The following ZNF516 variants were observed in gnomAD, a reference collection of about 807,000 sequenced individuals.
ZNF516 encodes zinc finger protein 516.
In ZNF516, 19 loss-of-function variants were observed where a neutral mutation model predicts 79.7. The ratio of observed to expected loss-of-function variants is 0.24; its 90% confidence interval spans 0.17 to 0.35. The LOEUF (loss-of-function observed/expected upper bound fraction) is 0.35. Among genes scored for constraint, ZNF516 ranks in the 10% least tolerant of loss-of-function variants. The pLI is 1.00. For missense variants in ZNF516, 1,678 were observed against 1,679.5 expected, an observed-to-expected ratio of 1.00 and a Z score of 0.02; for synonymous variants, 877 against 739.5, an observed-to-expected ratio of 1.19 and a Z score of -3.02.
rs897132490 is a variant in ZNF516 at position 76,362,221 on chromosome 18, T to C, written c.*277A>G. ...TACTACTGTTTATTATAAGAAAATA[T>C]GGGACTATGGACGATGAGCACGTAA... On this transcript the variant is annotated 3_prime_UTR_variant, in exon 7 of 7. Coordinates refer to ENST00000443185, the MANE Select transcript of ZNF516 (RefSeq NM_014643.4). 2.7e-6 allele frequency: 1 copy of C among 371,568 alleles called. No individual in the cohort carries two copies. Among genetic ancestry groups the C allele is most frequent in the Non-Finnish European group, 4.9e-6 (1 of 202,690 alleles). The allele number at this position is 371,568 out of a possible 1,614,324, so 23.0% of individuals were successfully genotyped here. A position where few individuals can be genotyped will look rare whatever the true frequency, so the allele number is the denominator to read the frequency against.
chr18:76,388,275 C>T (rs2075021614), intron 3 of ZNF516: 1 of 152,270 alleles, frequency 6.6e-6, no homozygotes, highest in African/African-American at 2.4e-5. Context: ...GGCTGTCACC[C>T]TGACTCTCCA....
intron 3 of ZNF516, among the ~76,000 whole-genome samples, chr18:76,412,401 C>A (rs1206789338): frequency 6.6e-6 from 1 of 152,188 alleles, no homozygotes; most frequent in Admixed American, 6.5e-5. Flanking sequence ...CTCTCCTCCC[C>A]TCCTGGGAGG....
chr18:76,426,262 C>A (rs1405235230), intron 3 of ZNF516, among the ~76,000 whole-genome samples: 2 of 152,224 alleles, frequency 1.3e-5, no homozygotes, highest in African/African-American at 2.4e-5. Context: ...GCTAATTATT[C>A]TTCTAGCCTT....
Position 76,373,196 on chromosome 18 carries a change from G to A in ZNF516, c.3260-1625C>T, listed in dbSNP as rs114898287. ...GAGGAAAAAGAAAAAGAACAGAAGA[G>A]AGAAGAAGCAAAGAGAAGAAGAAAA... On this transcript the variant is annotated intron_variant, in intron 4 of 6. Coordinates refer to ENST00000443185, the MANE Select transcript of ZNF516 (RefSeq NM_014643.4). 5.3e-3 allele frequency among the ~76,000 whole-genome samples: 795 copies of A among 149,782 alleles called. 2 individuals are homozygous for A. Among genetic ancestry groups the A allele is most frequent in the African/African-American group, 0.019 (766 of 40,684 alleles).
In ZNF516 at chr18:76,424,110, C is replaced by T. The variant is rs561039623; in HGVS notation, c.1810+17135G>A. Among the ~76,000 whole-genome samples the T allele has an allele frequency of 1.6e-3, 161 of 97,846 alleles. 3 individuals carry two copies. Among genetic ancestry groups the T allele is most frequent in the African/African-American group, 6.2e-3 (154 of 24,874 alleles). 64.2% of individuals were successfully genotyped at this position (97,846 alleles called of 152,430 possible). ...ACACACGCAGGTGAAAAGGCTCCCC[C>T]GAAACACACGCAGGTGAAAAGTTTC... On this transcript the variant is annotated intron_variant, in intron 3 of 6. Transcript: ENST00000443185.
chr18:76,390,579 G>A (rs1382218237), intron 3 of ZNF516, among the ~76,000 whole-genome samples: 10 of 152,208 alleles, frequency 6.6e-5, no homozygotes, highest in Admixed American at 5.9e-4. Context: ...TTGGGTCGAC[G>A]GCCAAGCAGC....
At chr18:76,372,847 C>T (rs1223118076) in intron 4 of ZNF516, 1 of 152,238 alleles carries the variant, frequency 6.6e-6, no homozygotes, top group Non-Finnish European at 1.5e-5. Flanking sequence ...AACATTTCAA[C>T]CAACACTCAA....
chr18:76,481,613 G>C (rs547452724), intron 1 of ZNF516, among the ~76,000 whole-genome samples: 4 of 152,180 alleles, frequency 2.6e-5, no homozygotes, highest in Non-Finnish European at 5.9e-5. Context: ...GTGTCCTCTC[G>C]GGTAAAAGGG....
At chr18:76,374,569 C>G (rs945592889) in intron 4 of ZNF516, among the ~76,000 whole-genome samples, 36 of 152,170 alleles carry the variant, frequency 2.4e-4, no homozygotes, top group Admixed American at 3.9e-4. Context: ...CTGAATAAAA[C>G]CTGTCTTAGA....
At chr18:76,490,747 G>C in intron 1 of ZNF516, 1 of 985,114 alleles carries the variant, frequency 1.0e-6, no homozygotes, top group South Asian at 4.7e-5. Flanking sequence ...GTATGTGTAA[G>C]TAGGATCCCC....
chr18:76,370,757 G>A (rs2074690083), intron 5 of ZNF516, among the ~76,000 whole-genome samples, 162 bp from the exon 6 acceptor site: 1 of 152,262 alleles, frequency 6.6e-6, no homozygotes, highest in African/African-American at 2.4e-5. Context: ...GTAAGAGACT[G>A]TGATAATGGC....
chr18:76,488,037 G>A (rs1323874629), intron 1 of ZNF516: 1 of 985,336 alleles, frequency 1.0e-6, no homozygotes, highest in Non-Finnish European at 1.2e-6. Flanking sequence ...TGCACAAACA[G>A]AGGCTTGTCC....
upstream of ZNF516, chr18:76,496,161 C>T: frequency 7.1e-6 from 5 of 707,760 alleles, no homozygotes; most frequent in Non-Finnish European, 8.7e-6. Flanking sequence ...AGGGCGGGCG[C>T]GCGGGGGCGG....
chr18:76,463,709 C>T (rs1913268998), intron 1 of ZNF516, among the ~76,000 whole-genome samples: 1 of 152,230 alleles, frequency 6.6e-6, no homozygotes, highest in Non-Finnish European at 1.5e-5. Flanking sequence ...GACGTGCCCA[C>T]TGAAATCGGT....
intron 1 of ZNF516, chr18:76,490,250 G>A (rs1915087031): frequency 2.1e-6 from 2 of 969,838 alleles, no homozygotes; most frequent in African/African-American, 3.5e-5. Context: ...CTGACACCAC[G>A]GCAGGCTCCT....
intron 3 of ZNF516, among the ~76,000 whole-genome samples, chr18:76,431,342 T>C (rs2145453894): frequency 6.6e-6 from 1 of 152,326 alleles, no homozygotes; most frequent in South Asian, 2.1e-4. Context: ...AATAATTCAG[T>C]GTGCCCATGA....
intron 4 of ZNF516, among the ~76,000 whole-genome samples, chr18:76,374,491 A>G (rs1225711590): frequency 6.6e-6 from 1 of 152,188 alleles, no homozygotes; most frequent in African/African-American, 2.4e-5. Flanking sequence ...GACTCTTCAT[A>G]TCTACAGAAA....
intron 1 of ZNF516, among the ~76,000 whole-genome samples, chr18:76,489,954 T>C (rs1014807309): frequency 2.6e-5 from 4 of 152,262 alleles, no homozygotes; most frequent in Admixed American, 6.5e-5. Context: ...TGGTTAGTTT[T>C]ATTACAGATC....
At chr18:76,371,812 T>C (rs9964610) in intron 4 of ZNF516, among the ~76,000 whole-genome samples, 25,049 of 152,126 alleles carry the variant, frequency 0.16, 2,173 homozygotes, top group Non-Finnish European at 0.19. Context: ...AACCACTCCC[T>C]GGGACAGGAG....
Sources: gnomAD v4.1 joint callset for allele counts (sites outside exome capture counted in the v4.1 genomes callset) on GRCh38, gnomAD v4.1.1 for gene constraint, MANE v1.5 for transcripts, NCBI Gene and HGNC (gene_info 2026-07-23, HGNC 2026-07-21) for gene names.